The following KIF2A variants were observed in gnomAD, a reference collection of about 807,000 sequenced individuals.
The protein encoded by KIF2A is kinesin-like protein KIF2A.
A neutral mutation model predicts 100.2 loss-of-function variants in KIF2A; 22 were observed. The observed-to-expected ratio is 0.22, with a 90% CI of 0.16 to 0.31. The LOEUF is 0.31. KIF2A is among the 10% of genes least tolerant of loss of function. The probability of loss-of-function intolerance (pLI) is 1.00; values close to 1 mark genes in which losing one functional copy is unlikely to be tolerated. For synonymous variants in KIF2A, 268 were observed against 285.9 expected, an observed-to-expected ratio of 0.94 and a Z score of 0.63; for missense variants, 495 against 898.7, an observed-to-expected ratio of 0.55 and a Z score of 5.74.
At chr5:62,313,853 A>G (rs1431694379) in intron 1 of KIF2A, among the ~76,000 whole-genome samples, 2 of 151,916 alleles carry the variant, frequency 1.3e-5, no homozygotes, top group African/African-American at 2.4e-5. Flanking sequence ...GTGCAGTGGC[A>G]TGATCATAGC....
At chr5:62,371,380 T>C (rs1741318321) in intron 16 of KIF2A, among the ~76,000 whole-genome samples, 1 of 152,212 alleles carries the variant, frequency 6.6e-6, no homozygotes, top group African/African-American at 2.4e-5. Flanking sequence ...AAAGAAAGAC[T>C]GTTAGTAGAG....
intron 20 of KIF2A, 30 bp from the exon 21 acceptor site, chr5:62,385,454 C>T (rs199625582): frequency 1.2e-4 from 181 of 1,477,502 alleles, no homozygotes; most frequent in Non-Finnish European, 1.6e-4. Flanking sequence ...TAATACAATA[C>T]TTATTCCCTC....
intron 1 of KIF2A, among the ~76,000 whole-genome samples, chr5:62,319,011 A>G (rs1429696570): frequency 6.6e-6 from 1 of 151,942 alleles, no homozygotes; most frequent in Non-Finnish European, 1.5e-5. Flanking sequence ...CCTTATTACC[A>G]TGGTCTCTTA....
chr5:62,313,444 T>G (rs576635169), intron 1 of KIF2A, among the ~76,000 whole-genome samples: 1 of 151,300 alleles, frequency 6.6e-6, no homozygotes, highest in African/African-American at 2.4e-5. Flanking sequence ...CCTCTGCCTC[T>G]TGGGTTCAAG....
At position 62,388,863 on chromosome 5, in the gene KIF2A, C is replaced by T. The variant is rs1190311845; in HGVS notation, c.*3294C>T. ...ACTTTCCAACTTTAAAATTCAGAATCATAAATGGTGACAACAGTAGTAGTA... is the reference window on the plus strand; with the variant it reads ...ACTTTCCAACTTTAAAATTCAGAATTATAAATGGTGACAACAGTAGTAGTA... On this transcript the variant is annotated 3_prime_UTR_variant, in exon 21 of 21. Coordinates refer to ENST00000407818, the MANE Select transcript of KIF2A (RefSeq NM_001098511.3). The T allele has an allele frequency of 3.0e-5, 21 of 707,456 alleles. No individual in the cohort carries two copies. The highest frequency in any genetic ancestry group is 4.8e-5 in the Non-Finnish European group (20 of 415,170). 43.8% of individuals were successfully genotyped at this position (707,456 alleles called of 1,614,324 possible).
chr5:62,307,722 A>G (rs879729074), intron 1 of KIF2A, among the ~76,000 whole-genome samples: 4 of 150,120 alleles, frequency 2.7e-5, no homozygotes, highest in African/African-American at 9.9e-5. Context: ...TGTTGAAGCT[A>G]TTCTTGTGCC....
At chr5:62,385,057 G>T (rs1049195811) in intron 20 of KIF2A, among the ~76,000 whole-genome samples, 7 of 151,952 alleles carry the variant, frequency 4.6e-5, no homozygotes, top group Non-Finnish European at 7.4e-5. Flanking sequence ...TGGGAGAATT[G>T]CTTGAACCCA....
At chr5:62,352,527 C>G (rs1377225651) in intron 4 of KIF2A, 61 bp from the exon 5 acceptor site, 1 of 1,329,012 alleles carries the variant, frequency 7.5e-7, no homozygotes, top group African/African-American at 1.5e-5. Context: ...CTTCCTTTTA[C>G]TAAGGTTAGC....
chr5:62,320,565 A>AT (rs11442569), intron 1 of KIF2A, among the ~76,000 whole-genome samples: 75,840 of 148,554 alleles, frequency 0.51, 19,934 homozygotes, highest in South Asian at 0.64. Context: ...TGACTATAGC[A>AT]TTTTTTTTTT....
chr5:62,370,285 ATACT>A (rs1741261437), intron 16 of KIF2A, among the ~76,000 whole-genome samples: 1 of 151,874 alleles, frequency 6.6e-6, no homozygotes, highest in African/African-American at 2.4e-5. Context: ...ACAATTAGAG[ATACT>A]TTATTTATTT....
At chr5:62,376,409 TG>T (rs1007818779) in intron 18 of KIF2A, among the ~76,000 whole-genome samples, 20 of 86,064 alleles carry the variant, frequency 2.3e-4, no homozygotes, top group Admixed American at 4.1e-4. Context: ...AAGTTTTTTT[TG>T]TTTGTTTGTT....
intron 1 of KIF2A, among the ~76,000 whole-genome samples, chr5:62,345,592 G>GT (rs1330055293): frequency 2.0e-5 from 3 of 152,136 alleles, no homozygotes; most frequent in Non-Finnish European, 4.4e-5. Flanking sequence ...GAGCCCAGGA[G>GT]TTTGAGACCA....
At chr5:62,355,472 C>G (rs1478502137) in intron 7 of KIF2A, among the ~76,000 whole-genome samples, 1 of 152,168 alleles carries the variant, frequency 6.6e-6, no homozygotes, top group East Asian at 1.9e-4. Context: ...TAGAGATGTC[C>G]TTCTCGAAGC....
intron 1 of KIF2A, among the ~76,000 whole-genome samples, chr5:62,344,852 A>G (rs1022343712): frequency 2.6e-5 from 4 of 152,260 alleles, no homozygotes; most frequent in African/African-American, 9.6e-5. Flanking sequence ...AAGCAACACC[A>G]GTATATCATT....
rs1742283944 is a variant in KIF2A, at chr5:62,390,949, T to G, written c.*5380T>G. 6.2e-7 allele frequency: 1 copy of G among 1,612,922 alleles called. No homozygotes were observed. Among genetic ancestry groups the G allele is most frequent in the African/African-American group, 1.3e-5 (1 of 74,906 alleles). On this transcript the variant is annotated 3_prime_UTR_variant, in exon 21 of 21. Coordinates refer to ENST00000407818, the MANE Select transcript of KIF2A (RefSeq NM_001098511.3). ...CCTGTGCTGGTTAGGATTTGCTGTATTTTATCTGCTATGCTGAAATCTTCT... is the reference window on the plus strand; with the variant it reads ...CCTGTGCTGGTTAGGATTTGCTGTAGTTTATCTGCTATGCTGAAATCTTCT...
intron 1 of KIF2A, among the ~76,000 whole-genome samples, chr5:62,344,346 C>CA (rs56737603): frequency 0.31 from 35,739 of 116,276 alleles, 5,012 homozygotes; most frequent in Middle Eastern, 0.39. Context: ...GACTCCATCT[C>CA]AAAAAAAAAA....
At chr5:62,360,718 A>AT (rs1748365506) in intron 9 of KIF2A, among the ~76,000 whole-genome samples, 1 of 152,210 alleles carries the variant, frequency 6.6e-6, no homozygotes, top group Non-Finnish European at 1.5e-5. Context: ...AAACCATAAT[A>AT]TTTAGGTATC....
rs930170536 is a variant in KIF2A at position 62,366,301 on chromosome 5, C to G, written c.1579-113C>G. The G allele has an allele frequency of 1.0e-5, 7 of 683,494 alleles. No individual in the cohort carries two copies. The South Asian group carries it at 1.2e-4, about 12-fold the overall frequency. The allele number at this position is 683,494 out of a possible 1,614,324, so 42.3% of individuals were successfully genotyped here. The stretch of plus-strand genomic sequence containing the variant: ...TGGAGTTGAGATATCATTAATAAGT[C>G]TTTATTTTTAAATAACCATGGTAAG... On this transcript the variant is annotated intron_variant, in intron 15 of 20. Transcript: ENST00000407818.
chr5:62,344,963 A>G (rs1378680558), intron 1 of KIF2A, among the ~76,000 whole-genome samples: 2 of 152,168 alleles, frequency 1.3e-5, no homozygotes, highest in African/African-American at 4.8e-5. Context: ...GTAGGCCACA[A>G]GGCCGGGCGT....
Sources: allele counts gnomAD v4.1 joint callset (sites outside exome capture counted in the v4.1 genomes callset), GRCh38; gene constraint gnomAD v4.1.1; transcripts MANE v1.5; gene names NCBI Gene and HGNC (gene_info 2026-07-23, HGNC 2026-07-21).